The following ZNF407 variants were observed in gnomAD, a reference collection of about 807,000 sequenced individuals.
ZNF407 encodes the protein zinc finger protein 407.
In ZNF407, 17 loss-of-function variants were observed where a neutral mutation model predicts 131.2. The observed-to-expected ratio is 0.13, with a 90% CI of 0.09 to 0.19. The LOEUF (loss-of-function observed/expected upper bound fraction) is 0.19, where lower values mean the gene tolerates loss of function less well. Among genes scored for constraint, ZNF407 ranks in the 10% least tolerant of loss-of-function variants. The pLI is 1.00. For missense variants in ZNF407, 2,681 were observed against 2,830.6 expected (o/e 0.95, Z 1.20); for synonymous variants, 1,156 against 1,062.0 (o/e 1.09, Z -1.72).
At chr18:74,731,844 G>T (rs1298458124) in intron 3 of ZNF407, among the ~76,000 whole-genome samples, 2 of 152,020 alleles carry the variant, frequency 1.3e-5, no homozygotes, top group Non-Finnish European at 2.9e-5. Flanking sequence ...CTGGGATGGG[G>T]TCCAAAAACG....
intron 7 of ZNF407, among the ~76,000 whole-genome samples, chr18:74,912,952 CT>C (rs1255561700): frequency 6.6e-6 from 1 of 152,132 alleles, no homozygotes; most frequent in Non-Finnish European, 1.5e-5. Flanking sequence ...GAAAGATAAC[CT>C]CTTTGATTAC....
At chr18:74,919,416 T>C (rs1000264129) in intron 7 of ZNF407, among the ~76,000 whole-genome samples, 12 of 152,216 alleles carry the variant, frequency 7.9e-5, no homozygotes, top group African/African-American at 2.9e-4. Flanking sequence ...TGCAGTGCAC[T>C]GTGAGATGTG....
chr18:75,032,152 C>T (rs763779053), intron 8 of ZNF407, among the ~76,000 whole-genome samples: 128 of 152,296 alleles, frequency 8.4e-4, no homozygotes, highest in Non-Finnish European at 1.4e-3. Flanking sequence ...CTTCTGGTTC[C>T]CCTGCCACAC....
intron 8 of ZNF407, among the ~76,000 whole-genome samples, chr18:75,033,773 G>A (rs751222171): frequency 4.6e-5 from 7 of 152,168 alleles, no homozygotes; most frequent in Admixed American, 2.0e-4. Flanking sequence ...ACTTGCTTCA[G>A]AAGGAGAGAA....
rs1261515962 is a variant in ZNF407 at position 74,635,102 on chromosome 18, A to G, written c.4083A>G (p.Ile1361Met). The G allele has an allele frequency of 6.2e-7, 1 of 1,613,796 alleles. No individual in the cohort carries two copies. The highest frequency in any genetic ancestry group is 8.5e-7 in the Non-Finnish European group (1 of 1,179,880). The change falls in exon 2 of 9, where the codon ATA (isoleucine) becomes ATG (methionine). Residue 1361 changes from isoleucine to methionine, a missense_variant. By Grantham distance (10) the Ile-to-Met change is conservative. Around this residue, in one of 6 missense-constraint regions of ZNF407, gnomAD observed 1,789 missense variants for 1,748.7 expected, o/e 1.02. Transcript: ENST00000299687. This position sits in a 1 kb window ranked among gnomAD's most constrained non-coding sequence, Gnocchi z 4.7. ...TTGGTCGATTTGACTCCTCCATAATAAGAATAAAGAACCCTGAAGATGGTG... is the reference window on the plus strand; with the variant it reads ...TTGGTCGATTTGACTCCTCCATAATGAGAATAAAGAACCCTGAAGATGGTG... ...YSFGRFDSSI[I>M]RIKNPEDGEL...
At chr18:75,041,100 G>A (rs1026308288) in intron 8 of ZNF407, among the ~76,000 whole-genome samples, 2 of 152,204 alleles carry the variant, frequency 1.3e-5, no homozygotes, top group African/African-American at 2.4e-5. Flanking sequence ...GCAGTATCCC[G>A]CAAGGTGTCA....
chr18:74,790,478 T>G (rs1340305045), intron 4 of ZNF407, among the ~76,000 whole-genome samples: 3 of 152,222 alleles, frequency 2.0e-5, no homozygotes, highest in Admixed American at 6.5e-5. Context: ...GAATATCTGC[T>G]GTTTTTAAGT....
chr18:74,921,241 A>T (rs188288481), intron 8 of ZNF407, among the ~76,000 whole-genome samples: 117 of 152,244 alleles, frequency 7.7e-4, no homozygotes, highest in African/African-American at 2.6e-3. Flanking sequence ...TGCTAAGAGG[A>T]TTCTTGCCTC....
chr18:75,055,972 A>G (rs1438642623), intron 8 of ZNF407, among the ~76,000 whole-genome samples: 2 of 152,190 alleles, frequency 1.3e-5, no homozygotes, highest in African/African-American at 4.8e-5. Flanking sequence ...CAGAAAAGCA[A>G]TTTCCCCATC....
intron 8 of ZNF407, among the ~76,000 whole-genome samples, chr18:74,921,433 T>C (rs1157728611): frequency 6.6e-6 from 1 of 152,122 alleles, no homozygotes; most frequent in African/African-American, 2.4e-5. Context: ...GAGGAGTAAA[T>C]TTAGAGAAGC....
chr18:74,669,971 A>G (rs11151107), intron 3 of ZNF407, among the ~76,000 whole-genome samples: 116,662 of 152,210 alleles, frequency 0.77, 46,664 homozygotes, highest in Non-Finnish European at 0.87. Flanking sequence ...AGGAGAGCCC[A>G]TTCTGTGAGA....
intron 4 of ZNF407, among the ~76,000 whole-genome samples, chr18:74,812,742 G>T (rs957250199): frequency 5.3e-5 from 8 of 151,722 alleles, no homozygotes; most frequent in Admixed American, 5.2e-4. Flanking sequence ...TGGATCCCAC[G>T]TGTCTCTCAT....
intron 4 of ZNF407, among the ~76,000 whole-genome samples, chr18:74,821,251 A>G (rs1405818567): frequency 6.6e-6 from 1 of 151,976 alleles, no homozygotes; most frequent in East Asian, 1.9e-4. Flanking sequence ...CTTAGTTTTC[A>G]AGGCATTGAG....
At chr18:74,755,582 G>GTTTTTTTTTTTTTTTT (rs541126314) in intron 3 of ZNF407, among the ~76,000 whole-genome samples, 22 of 87,326 alleles carry the variant, frequency 2.5e-4, no homozygotes, top group African/African-American at 1.0e-3. Flanking sequence ...CTCCTTTCTG[G>GTTTTTTTTTTTTTTTT]TTTTTTTTTT....
intron 3 of ZNF407, among the ~76,000 whole-genome samples, chr18:74,765,026 A>C (rs191232853): frequency 6.6e-6 from 1 of 152,186 alleles, no homozygotes; most frequent in Non-Finnish European, 1.5e-5. Flanking sequence ...GAAGAAAATC[A>C]TAGTAAAAGT....
intron 3 of ZNF407, among the ~76,000 whole-genome samples, chr18:74,759,859 G>A (rs1969054005): frequency 6.9e-6 from 1 of 144,142 alleles, no homozygotes; most frequent in South Asian, 2.2e-4. Flanking sequence ...TTTTTGTCTA[G>A]CAGTCTTATC....
chr18:74,765,758 C>G (rs1276737096), intron 3 of ZNF407, among the ~76,000 whole-genome samples: 4 of 152,200 alleles, frequency 2.6e-5, no homozygotes, highest in Non-Finnish European at 5.9e-5. Flanking sequence ...AGCTGCCTGG[C>G]CTCCCTGTGT....
intron 3 of ZNF407, among the ~76,000 whole-genome samples, chr18:74,726,027 C>G (rs1968149366): frequency 6.6e-6 from 1 of 152,080 alleles, no homozygotes; most frequent in African/African-American, 2.4e-5. Flanking sequence ...TTTCTGTAGA[C>G]ACATTGTGCC....
chr18:74,989,157 A>G (rs956061322), intron 8 of ZNF407, among the ~76,000 whole-genome samples: 3 of 152,230 alleles, frequency 2.0e-5, no homozygotes, highest in Non-Finnish European at 4.4e-5. Flanking sequence ...AACTAACAAC[A>G]TGGATGCGCC....
Sources: gnomAD v4.1 joint callset for allele counts (sites outside exome capture counted in the v4.1 genomes callset) on GRCh38, gnomAD v4.1.1 for gene constraint, gnomAD v4.1.1 regional missense constraint, Gnocchi (gnomAD v3.1) non-coding constraint, MANE v1.5 for transcripts, NCBI Gene and HGNC (gene_info 2026-07-23, HGNC 2026-07-21) for gene names.